Variants in FBXL2 observed in about 807,000 individuals in gnomAD.
FBXL2 encodes F-box/LRR-repeat protein 2.
In FBXL2, 38 loss-of-function variants were observed where a neutral mutation model predicts 69.2. The observed-to-expected ratio is 0.55, with a 90% CI of 0.42 to 0.72. FBXL2 has a LOEUF of 0.72. FBXL2 is among the 30% of genes least tolerant of loss of function. The probability of loss-of-function intolerance (pLI) is 0.00; values close to 1 mark genes in which losing one functional copy is unlikely to be tolerated. For synonymous variants in FBXL2, 192 were observed against 201.3 expected (o/e 0.95, Z 0.39); for missense variants, 354 against 520.3 (o/e 0.68, Z 3.11).
intron 5 of FBXL2, among the ~76,000 whole-genome samples, chr3:33,370,323 CAGG>C (rs1365245777): frequency 6.6e-6 from 1 of 150,496 alleles, no homozygotes; most frequent in Non-Finnish European, 1.5e-5. Context: ...GAGGCTGAGG[CAGG>C]AGAATGGCGT....
chr3:33,309,662 A>G (rs2037017046), intron 2 of FBXL2, among the ~76,000 whole-genome samples: 1 of 152,176 alleles, frequency 6.6e-6, no homozygotes, highest in South Asian at 2.1e-4. Context: ...ATTATTGTCT[A>G]GTTATTTCAT....
At chr3:33,356,342 G>A (rs549231769) in intron 2 of FBXL2, among the ~76,000 whole-genome samples, 2 of 152,058 alleles carry the variant, frequency 1.3e-5, no homozygotes, top group South Asian at 2.1e-4. Context: ...GGAGTTGCTC[G>A]AGTTGGTTTG....
intron 10 of FBXL2, 48 bp from the exon 11 acceptor site, chr3:33,377,225 A>G: frequency 1.3e-6 from 2 of 1,538,816 alleles, no homozygotes; most frequent in Non-Finnish European, 1.8e-6. Context: ...TGTTTCCATT[A>G]TTAACTAGTT....
At position 33,354,356 on chromosome 3, in the gene FBXL2, A is replaced by T. The variant is rs1575313569; in HGVS notation, c.66-4611A>T. On this transcript the variant is annotated intron_variant, in intron 2 of 14. Transcript: ENST00000484457. Reference sequence around the variant, plus strand: ...TAGTGAAACCCCGTCTCTACTAAAAATACAAAAATTGGCCGGGTGTGGTGG... The same window carrying T: ...TAGTGAAACCCCGTCTCTACTAAAATTACAAAAATTGGCCGGGTGTGGTGG... Among the ~76,000 whole-genome samples, 3 of 151,916 alleles carry T rather than the reference A, an allele frequency of 2.0e-5. No homozygotes were observed. The South Asian group carries it at 6.2e-4, about 32-fold the overall frequency.
chr3:33,411,596 G>C, the FBXL2 span: 1 of 1,614,072 alleles, frequency 6.2e-7, no homozygotes, highest in Non-Finnish European at 8.5e-7. Flanking sequence ...TGAAAGCAGA[G>C]GTGCGTTTTG....
chr3:33,412,939 T>G, the FBXL2 span: 1 of 676,906 alleles, frequency 1.5e-6, no homozygotes, highest in East Asian at 2.6e-5. Flanking sequence ...ACAACTAGAT[T>G]CTGTTTTAAA....
intron 5 of FBXL2, among the ~76,000 whole-genome samples, chr3:33,371,008 C>G (rs2042265153): frequency 6.6e-6 from 1 of 151,924 alleles, no homozygotes; most frequent in African/African-American, 2.4e-5. Flanking sequence ...TGAAGTTGTC[C>G]TACAGTTCGT....
intron 12 of FBXL2, 146 bp downstream of exon 12, chr3:33,378,293 A>G (rs2042777654): frequency 1.3e-6 from 1 of 777,416 alleles, no homozygotes; most frequent in African/African-American, 1.7e-5. Flanking sequence ...TGTGAAGGCC[A>G]TGGCAGTGGA....
At chr3:33,400,133 C>T (rs1335267533) in intron 12 of FBXL2, 5 of 1,188,280 alleles carry the variant, frequency 4.2e-6, no homozygotes, top group Non-Finnish European at 4.5e-6. Flanking sequence ...TTAATAAAAG[C>T]ACAGAAACAA....
In FBXL2 at chr3:33,386,326, G is replaced by A. The variant is rs2043427483; in HGVS notation, c.*718G>A. The A allele has an allele frequency of 2.6e-5, 4 of 152,538 alleles. No homozygotes were observed. The highest frequency in any genetic ancestry group is 5.9e-5 in the Non-Finnish European group (4 of 68,102). 9.4% of individuals were successfully genotyped at this position (152,538 alleles called of 1,614,324 possible). A position where few individuals can be genotyped will look rare whatever the true frequency, so the allele number is the denominator to read the frequency against. On this transcript the variant is annotated 3_prime_UTR_variant, in exon 15 of 15. Coordinates refer to ENST00000484457, the MANE Select transcript of FBXL2 (RefSeq NM_012157.5). The stretch of plus-strand genomic sequence containing the variant: ...TTGGAAAGTAGAAGCTCTGGTGTAT[G>A]CTACAGCACATAACACATTTTTACT...
At chr3:33,375,194 A>C in intron 9 of FBXL2, 94 bp from the exon 10 acceptor site, 2 of 1,515,148 alleles carry the variant, frequency 1.3e-6, no homozygotes, top group Admixed American at 3.6e-5. Context: ...GTAATCAGCA[A>C]CCAAAACTGA....
At chr3:33,369,319 TG>T (rs2042147113) in intron 5 of FBXL2, among the ~76,000 whole-genome samples, 1 of 152,194 alleles carries the variant, frequency 6.6e-6, no homozygotes, top group Non-Finnish European at 1.5e-5. Flanking sequence ...CCCGAAGTGC[TG>T]GGATTACAGG....
intron 4 of FBXL2, 31 bp downstream of exon 4, chr3:33,359,388 T>G (rs758247303): frequency 1.9e-6 from 3 of 1,547,274 alleles, no homozygotes; most frequent in Admixed American, 3.4e-5. Flanking sequence ...ACAAAAAACT[T>G]TTTAAAAATA....
Position 33,397,022 on chromosome 3 carries a change from CA to C in FBXL2, n.1215-6208del, listed in dbSNP as rs781727886. The C allele has an allele frequency of 8.2e-6, 13 of 1,575,956 alleles. No homozygotes were observed. The African/African-American group carries it at 1.6e-4, about 20-fold the overall frequency. Reference sequence around the variant, plus strand: ...AAGAAAGGTACATTCTTATTTCAAGCAAAACAGTTCACAGTATTTTACCTTG... The same window carrying C: ...AAGAAAGGTACATTCTTATTTCAAGCAAACAGTTCACAGTATTTTACCTTG... On this transcript the variant is annotated intron_variant and non_coding_transcript_variant, in intron 12 of 12. Transcript: ENST00000463736.
chr3:33,359,765 A>G (rs1006377416), intron 4 of FBXL2, among the ~76,000 whole-genome samples: 2 of 152,044 alleles, frequency 1.3e-5, no homozygotes, highest in African/African-American at 4.8e-5. Context: ...GGAGATCTAA[A>G]GTGTCACCCT....
chr3:33,392,553 TGC>T, downstream of FBXL2: 1 of 1,609,092 alleles, frequency 6.2e-7, no homozygotes, highest in Non-Finnish European at 8.5e-7. Flanking sequence ...CACACACACA[TGC>T]AAAGTACCTT....
At chr3:33,399,750 C>A (rs1004562408) in intron 12 of FBXL2, among the ~76,000 whole-genome samples, 11 of 152,160 alleles carry the variant, frequency 7.2e-5, no homozygotes, top group African/African-American at 2.2e-4. Context: ...TTACAAATAT[C>A]TATACCATAA....
At chr3:33,373,499 T>G (rs1006620693) in intron 7 of FBXL2, 79 bp from the exon 8 acceptor site, 2 of 1,599,378 alleles carry the variant, frequency 1.3e-6, no homozygotes, top group Non-Finnish European at 1.7e-6. Context: ...GAATTTCTTG[T>G]GATGTACTAA....
the FBXL2 span, among the ~76,000 whole-genome samples, chr3:33,410,009 T>G: frequency 6.6e-6 from 1 of 152,214 alleles, no homozygotes; most frequent in Admixed American, 6.5e-5. Flanking sequence ...TTGTTTGCCC[T>G]CTACTGCCAT....
Sources: gnomAD v4.1 joint callset for allele counts (sites outside exome capture counted in the v4.1 genomes callset) on GRCh38, gnomAD v4.1.1 for gene constraint, MANE v1.5 for transcripts, NCBI Gene and HGNC (gene_info 2026-07-23, HGNC 2026-07-21) for gene names.